The following PCDH9 variants were observed in gnomAD, a reference collection of about 807,000 sequenced individuals.
The protein encoded by PCDH9 is protocadherin 9.
Under a neutral mutation model 70.6 loss-of-function variants are expected in PCDH9, and 24 were observed. The observed-to-expected ratio is 0.34, with a 90% CI of 0.25 to 0.48. The LOEUF is 0.48. Ranked by LOEUF, PCDH9 falls within the 20% of genes least tolerant of loss-of-function variation. The probability of loss-of-function intolerance (pLI) is 0.99; values close to 1 mark genes in which losing one functional copy is unlikely to be tolerated. For synonymous variants in PCDH9, 562 were observed against 558.5 expected, an observed-to-expected ratio of 1.01 and a Z score of -0.09; for missense variants, 1,281 against 1,503.6, an observed-to-expected ratio of 0.85 and a Z score of 2.45.
intron 2 of PCDH9, among the ~76,000 whole-genome samples, chr13:67,082,200 C>T (rs1448320898): frequency 6.6e-6 from 1 of 152,124 alleles, no homozygotes; most frequent in African/African-American, 2.4e-5. Context: ...ACGGTTTAGT[C>T]ATATTGCATA....
In PCDH9 at chr13:66,676,191, G is replaced by T. The variant is rs568482428; in HGVS notation, c.3139-44780C>A. Among the ~76,000 whole-genome samples the T allele has an allele frequency of 2.0e-5, 3 of 152,158 alleles. No individual in the cohort carries two copies. The East Asian group carries it at 5.8e-4, about 29-fold the overall frequency. ...AATTCAATAACTTTCATTTCATGCT[G>T]GTTAGTGTGGCAGCTCCAAGTAAAC... On this transcript the variant is annotated intron_variant, in intron 3 of 4. Coordinates refer to ENST00000377865, the MANE Select transcript of PCDH9 (RefSeq NM_203487.3).
intron 2 of PCDH9, among the ~76,000 whole-genome samples, chr13:67,174,719 A>C (rs1449779275): frequency 6.6e-6 from 1 of 152,174 alleles, no homozygotes; most frequent in Non-Finnish European, 1.5e-5. Context: ...CAGGAAAAAG[A>C]CTTATTCACT....
chr13:66,819,546 G>A (rs1233604896), intron 3 of PCDH9, among the ~76,000 whole-genome samples: 2 of 152,018 alleles, frequency 1.3e-5, no homozygotes, highest in Non-Finnish European at 2.9e-5. Flanking sequence ...GGACTTTCAG[G>A]GAGTCCCTTA....
At chr13:66,567,341 C>T (rs1282399332) in intron 4 of PCDH9, among the ~76,000 whole-genome samples, 1 of 152,124 alleles carries the variant, frequency 6.6e-6, no homozygotes, top group Non-Finnish European at 1.5e-5. Flanking sequence ...GGGGATGGAG[C>T]TTTTAAAGGG....
intron 3 of PCDH9, among the ~76,000 whole-genome samples, chr13:66,645,046 T>G (rs1188289863): frequency 6.6e-6 from 1 of 152,088 alleles, no homozygotes; most frequent in Admixed American, 6.5e-5. Flanking sequence ...GAAGGCATCT[T>G]ATCTGAGGCT....
At chr13:66,545,642 A>G (rs565875587) in intron 4 of PCDH9, among the ~76,000 whole-genome samples, 1 of 152,192 alleles carries the variant, frequency 6.6e-6, no homozygotes, top group East Asian at 1.9e-4. Context: ...TTGTAGTTCA[A>G]TGCCTTATTC....
intron 2 of PCDH9, among the ~76,000 whole-genome samples, chr13:67,110,995 G>A (rs1007490846): frequency 1.3e-5 from 2 of 152,128 alleles, no homozygotes; most frequent in South Asian, 4.1e-4. Context: ...CTAGCATTTA[G>A]AACATAGTGA....
intron 4 of PCDH9, among the ~76,000 whole-genome samples, chr13:66,368,786 T>C (rs2781783): frequency 0.97 from 147,863 of 152,158 alleles, 71,965 homozygotes; most frequent in East Asian, 1. Context: ...GCCTTATAAT[T>C]GGAAGCCAAG....
chr13:66,467,207 C>T lies in PCDH9; in HGVS notation c.3341-162179G>A, dbSNP rs142681127. Among the ~76,000 whole-genome samples the T allele has an allele frequency of 2.8e-3, 432 of 152,052 alleles. 3 individuals carry two copies. The highest frequency in any genetic ancestry group is 9.9e-3 in the African/African-American group (410 of 41,504). On this transcript the variant is annotated intron_variant, in intron 4 of 4. Transcript: ENST00000377865. ...TAGATGTTTAGATGTTTTAGATGTT[C>T]GCATATATTTTAATATGTACATGTG...
chr13:66,650,551 C>T (rs2138989314), intron 3 of PCDH9, among the ~76,000 whole-genome samples: 1 of 152,034 alleles, frequency 6.6e-6, no homozygotes, highest in Admixed American at 6.5e-5. Flanking sequence ...ACCCCACTTT[C>T]AACATTGAAA....
chr13:66,564,635 C>T (rs921609025), intron 4 of PCDH9, among the ~76,000 whole-genome samples: 3 of 139,430 alleles, frequency 2.2e-5, no homozygotes, highest in Non-Finnish European at 4.9e-5. Context: ...GAGAGTACCA[C>T]GATTTTTCCC....
rs540946448 is a variant in PCDH9 at position 66,865,828 on chromosome 13, A to G, written c.3138+37676T>C. On this transcript the variant is annotated intron_variant, in intron 3 of 4. Transcript: ENST00000377865. ...GCTGTAACAGAATTTATATGTAGTA[A>G]CATTAAGTTGTCAAGTTTTTTGAAA... 2.0e-5 allele frequency among the ~76,000 whole-genome samples: 3 copies of G among 152,366 alleles called. No homozygotes were observed. The South Asian group carries it at 6.2e-4, about 32-fold the overall frequency.
chr13:66,477,585 G>T (rs1169042123), intron 4 of PCDH9, among the ~76,000 whole-genome samples: 1 of 152,088 alleles, frequency 6.6e-6, no homozygotes, highest in African/African-American at 2.4e-5. Flanking sequence ...CTGTGGCTTT[G>T]TTTTCTTGTT....
chr13:66,683,862 A>T (rs923529637), intron 3 of PCDH9, among the ~76,000 whole-genome samples: 1 of 152,016 alleles, frequency 6.6e-6, no homozygotes, highest in Non-Finnish European at 1.5e-5. Flanking sequence ...CTTTTTTCAC[A>T]CAGTCTCCCT....
At chr13:66,813,526 AGAAG>A (rs1416860707) in intron 3 of PCDH9, among the ~76,000 whole-genome samples, 2 of 151,876 alleles carry the variant, frequency 1.3e-5, no homozygotes, top group East Asian at 1.9e-4. Flanking sequence ...AAGGAAGGAA[AGAAG>A]GAAGGAAGGA....
chr13:66,501,059 T>C (rs1426135179), intron 4 of PCDH9, among the ~76,000 whole-genome samples: 1 of 152,116 alleles, frequency 6.6e-6, no homozygotes, highest in Non-Finnish European at 1.5e-5. Flanking sequence ...GTAATATTTA[T>C]ATAGAAAAAT....
At chr13:66,645,686 T>C (rs546810323) in intron 3 of PCDH9, among the ~76,000 whole-genome samples, 1 of 152,302 alleles carries the variant, frequency 6.6e-6, no homozygotes, top group South Asian at 2.1e-4. Context: ...CCTAGAGCTC[T>C]TTAGTCAGCT....
intron 3 of PCDH9, among the ~76,000 whole-genome samples, chr13:66,719,537 TTGA>T (rs1313415974): frequency 1.3e-5 from 2 of 152,176 alleles, no homozygotes; most frequent in African/African-American, 4.8e-5. Flanking sequence ...TGCTGGTAGC[TTGA>T]TCTTAGACTT....
At chr13:66,609,187 C>T (rs1412482260) in intron 4 of PCDH9, among the ~76,000 whole-genome samples, 2 of 152,062 alleles carry the variant, frequency 1.3e-5, no homozygotes, top group African/African-American at 4.8e-5. Flanking sequence ...AAGATTTCTC[C>T]TAATGACCAG....
Sources: allele counts gnomAD v4.1 joint callset (sites outside exome capture counted in the v4.1 genomes callset), GRCh38; gene constraint gnomAD v4.1.1; transcripts MANE v1.5; gene names NCBI Gene and HGNC (gene_info 2026-07-23, HGNC 2026-07-21).